Variants in DNASE1 observed in about 807,000 individuals in gnomAD.
DNASE1 encodes deoxyribonuclease-1.
DNASE1 carries 40 observed loss-of-function variants against 33.9 expected under a neutral mutation model. The ratio of observed to expected loss-of-function variants is 1.18; its 90% confidence interval spans 0.92 to 1.54. The LOEUF (loss-of-function observed/expected upper bound fraction) is 1.54. Ranked by LOEUF, DNASE1 falls within the 40% of genes most tolerant of loss-of-function variation. The pLI is 0.00. For missense variants in DNASE1, 518 were observed against 372.6 expected (o/e 1.39, Z -3.21); for synonymous variants, 216 against 160.0 (o/e 1.35, Z -2.64).
intron 1 of DNASE1, among the ~76,000 whole-genome samples, chr16:3,619,006 A>T (rs2041207097): frequency 6.6e-6 from 1 of 151,628 alleles, no homozygotes; most frequent in Non-Finnish European, 1.5e-5. Context: ...GACTCAGCCT[A>T]CCTGTAGCTA....
intron 1 of DNASE1, among the ~76,000 whole-genome samples, chr16:3,622,232 AC>A (rs1455642970): frequency 4.0e-5 from 6 of 150,764 alleles, no homozygotes; most frequent in Admixed American, 1.3e-4. Context: ...AAAAAAAAAA[AC>A]GGAGGCTGAA....
chr16:3,635,457 CAAAAAAAAAAA>C (rs753495578), intron 1 of DNASE1, among the ~76,000 whole-genome samples: 1 of 59,690 alleles, frequency 1.7e-5, no homozygotes, highest in Non-Finnish European at 3.4e-5. Flanking sequence ...GACTCTGTCT[CAAAAAAAAAAA>C]AAAAAAAAAA....
exon 10 of DNASE1, chr16:3,663,778 A>C (rs2050751337): frequency 1.7e-6 from 1 of 586,846 alleles, no homozygotes; most frequent in Non-Finnish European, 3.0e-6. Flanking sequence ...CCACGCATAA[A>C]GAAATCCACA....
chr16:3,658,996 T>TTAATGATCATTTATA, downstream of DNASE1: 1 of 845,448 alleles, frequency 1.2e-6, no homozygotes, highest in Non-Finnish European at 1.9e-6. Context: ...ATAAGGTATG[T>TTAATGATCATTTATA]TAATGATCAT....
At chr16:3,614,680 A>G (rs1045106666) in intron 1 of DNASE1, among the ~76,000 whole-genome samples, 4 of 152,206 alleles carry the variant, frequency 2.6e-5, no homozygotes, top group African/African-American at 4.8e-5. Flanking sequence ...TGTGAGAGGC[A>G]TGCTCCCAAG....
chr16:3,631,770 A>T (rs1364906581), intron 1 of DNASE1, among the ~76,000 whole-genome samples: 1 of 139,362 alleles, frequency 7.2e-6, no homozygotes, highest in Admixed American at 7.1e-5. Flanking sequence ...TGATCCACCC[A>T]CCTCGGCCTC....
At chr16:3,642,436 T>C (rs1164390767), upstream of DNASE1, among the ~76,000 whole-genome samples, 1 of 152,170 alleles carries the variant, frequency 6.6e-6, no homozygotes, top group Non-Finnish European at 1.5e-5. Context: ...TTGGTTGGGC[T>C]CACACTGAGT....
chr16:3,664,139 CTG>C (rs2050765764), exon 10 of DNASE1: 1 of 927,608 alleles, frequency 1.1e-6, no homozygotes, highest in Non-Finnish European at 1.5e-6. Context: ...GGTCCGGCCT[CTG>C]TGCCCGTGAC....
intron 1 of DNASE1, among the ~76,000 whole-genome samples, chr16:3,647,285 T>A (rs1210288781): frequency 1.3e-5 from 2 of 151,542 alleles, no homozygotes; most frequent in Non-Finnish European, 2.9e-5. Flanking sequence ...TTTTTTTTCT[T>A]TTTGAGACAA....
intron 1 of DNASE1, among the ~76,000 whole-genome samples, chr16:3,615,510 G>C (rs2041070478): frequency 6.6e-6 from 1 of 152,176 alleles, no homozygotes; most frequent in South Asian, 2.1e-4. Context: ...AGTAGGAACA[G>C]TATTGTGTGT....
chr16:3,658,164 T>C (rs2042825786), downstream of DNASE1: 1 of 1,613,938 alleles, frequency 6.2e-7, no homozygotes, highest in African/African-American at 1.3e-5. Flanking sequence ...AGCAGCTCAT[T>C]CAAGCGGCCC....
chr16:3,656,102 G>T lies in DNASE1; in HGVS notation c.237G>T (p.Gln79His). The T allele has an allele frequency of 6.2e-7, 1 of 1,614,078 alleles. No individual in the cohort carries two copies. The highest frequency in any genetic ancestry group is 1.1e-5 in the South Asian group (1 of 91,088). The change falls in exon 4 of 9, where the codon CAG (glutamine) becomes CAT (histidine). Residue 79 changes from glutamine to histidine, a missense_variant and splice_region_variant. By Grantham distance (24) the Gln-to-His change is conservative. Coordinates refer to ENST00000246949, the MANE Select transcript of DNASE1 (RefSeq NM_005223.4). ...AVGKLLDNLNQDAPDTYHYVV... is the reference protein window; with the variant it reads ...AVGKLLDNLNHDAPDTYHYVV... ...GGGACCTTTTGTTTCTTCAATCCAGGGATGCACCAGACACCTATCACTACG... is the reference window on the plus strand; with the variant it reads ...GGGACCTTTTGTTTCTTCAATCCAGTGATGCACCAGACACCTATCACTACG...
upstream of DNASE1, chr16:3,651,887 C>G (rs1006066357): frequency 5.3e-5 from 8 of 152,366 alleles, no homozygotes; most frequent in Non-Finnish European, 1.0e-4. Context: ...ACTCCACAAG[C>G]CACAGGCTGC....
At chr16:3,613,807 G>T (rs1357635074) in intron 1 of DNASE1, among the ~76,000 whole-genome samples, 2 of 152,020 alleles carry the variant, frequency 1.3e-5, no homozygotes, top group African/African-American at 4.8e-5. Flanking sequence ...AGGCTGGAGC[G>T]CAGTGGTGTG....
chr16:3,657,439 T>G (rs1350055396), intron 7 of DNASE1, 98 bp downstream of exon 7: 1 of 1,488,284 alleles, frequency 6.7e-7, no homozygotes, highest in Non-Finnish European at 9.1e-7. Context: ...CTTTGAACAC[T>G]CACCCAACTG....
chr16:3,663,203 A>G, exon 10 of DNASE1: 1 of 687,236 alleles, frequency 1.5e-6, no homozygotes, highest in Non-Finnish European at 2.4e-6. Flanking sequence ...AAGCTGGGCC[A>G]GCTCCAGAAG....
chr16:3,623,610 G>A (rs768021949), intron 1 of DNASE1, among the ~76,000 whole-genome samples: 75 of 152,166 alleles, frequency 4.9e-4, no homozygotes, highest in Non-Finnish European at 9.6e-4. Context: ...GTATCTCCAA[G>A]GATCTCAACA....
intron 1 of DNASE1, among the ~76,000 whole-genome samples, chr16:3,614,159 G>T (rs1450294276): frequency 1.3e-5 from 2 of 151,914 alleles, no homozygotes; most frequent in Non-Finnish European, 2.9e-5. Flanking sequence ...TGATCTGCCC[G>T]CCTTGGCCTC....
At chr16:3,658,686 C>CA (rs199922950), downstream of DNASE1, 2,325 of 1,154,498 alleles carry the variant, frequency 2.0e-3, 41 homozygotes, top group African/African-American at 0.03. Context: ...AACAAACAAA[C>CA]AAACAAAAAG....
Sources: gnomAD v4.1 joint callset for allele counts (sites outside exome capture counted in the v4.1 genomes callset) on GRCh38, gnomAD v4.1.1 for gene constraint, MANE v1.5 for transcripts, NCBI Gene and HGNC (gene_info 2026-07-23, HGNC 2026-07-21) for gene names.